NRG1: variants seen among roughly 807,000 people sequenced by gnomAD.
NRG1 encodes pro-neuregulin-1, membrane-bound isoform.
Under a neutral mutation model 63.8 loss-of-function variants are expected in NRG1, and 18 were observed. That is an observed-to-expected ratio of 0.28 (90% CI 0.19 to 0.42). NRG1 has a LOEUF of 0.42. NRG1 is among the 10% of genes least tolerant of loss of function. NRG1 has a pLI of 1.00. For missense variants in NRG1, 762 were observed against 814.7 expected, an observed-to-expected ratio of 0.94 and a Z score of 0.79; for synonymous variants, 302 against 301.3, an observed-to-expected ratio of 1.00 and a Z score of -0.02.
chr8:32,036,736 C>T (rs1343346980), intron 1 of NRG1, among the ~76,000 whole-genome samples: 4 of 152,134 alleles, frequency 2.6e-5, no homozygotes, highest in South Asian at 2.1e-4. Flanking sequence ...TATTGATACT[C>T]GTGGTTGCAT....
At chr8:32,571,946 G>A (rs2439305) in intron 1 of NRG1, among the ~76,000 whole-genome samples, 82,584 of 151,900 alleles carry the variant, frequency 0.54, 22,738 homozygotes, top group East Asian at 0.83. Flanking sequence ...AACTCAATCC[G>A]TAAACTGATT....
intron 1 of NRG1, among the ~76,000 whole-genome samples, chr8:32,167,593 A>C (rs1201343283): frequency 1.3e-4 from 20 of 152,202 alleles, no homozygotes; most frequent in Admixed American, 1.3e-3. Context: ...AACCACAGGG[A>C]TATGTGGCTG....
At chr8:32,013,499 T>C (rs1392682235) in intron 1 of NRG1, among the ~76,000 whole-genome samples, 1 of 151,882 alleles carries the variant, frequency 6.6e-6, no homozygotes, top group Non-Finnish European at 1.5e-5. Flanking sequence ...AATACAAAGG[T>C]GATAACTGCT....
chr8:31,904,298 G>A (rs1832340443), intron 1 of NRG1, among the ~76,000 whole-genome samples: 1 of 152,158 alleles, frequency 6.6e-6, no homozygotes, highest in Non-Finnish European at 1.5e-5. Context: ...GAGATTGAGA[G>A]TTAGAGAGTA....
At chr8:31,680,717 C>G (rs892594909) in intron 1 of NRG1, among the ~76,000 whole-genome samples, 2 of 151,992 alleles carry the variant, frequency 1.3e-5, no homozygotes, top group South Asian at 2.1e-4. Context: ...AATCGCCACA[C>G]TGACTTCCAC....
At chr8:32,254,459 G>A (rs748071653) in intron 1 of NRG1, among the ~76,000 whole-genome samples, 7 of 152,182 alleles carry the variant, frequency 4.6e-5, no homozygotes, top group Non-Finnish European at 8.8e-5. Flanking sequence ...TCAGGAGCAG[G>A]TTGTTCAGGT....
At chr8:31,741,856 C>T (rs1223822700) in intron 1 of NRG1, among the ~76,000 whole-genome samples, 1 of 151,894 alleles carries the variant, frequency 6.6e-6, no homozygotes, top group East Asian at 1.9e-4. Flanking sequence ...CTAGAAACTT[C>T]TGTACATGTT....
chr8:31,695,485 C>A (rs1809967019), intron 1 of NRG1, among the ~76,000 whole-genome samples: 1 of 152,226 alleles, frequency 6.6e-6, no homozygotes, highest in Non-Finnish European at 1.5e-5. Context: ...ACTTTTAAAT[C>A]TTTTAAATAA....
chr8:32,513,091 T>C (rs1329580270), intron 1 of NRG1, among the ~76,000 whole-genome samples: 1 of 152,070 alleles, frequency 6.6e-6, no homozygotes, highest in Non-Finnish European at 1.5e-5. Context: ...GAGATTAGGA[T>C]AATGTCAGGT....
intron 1 of NRG1, among the ~76,000 whole-genome samples, chr8:31,750,625 T>A (rs979980063): frequency 6.6e-6 from 1 of 152,010 alleles, no homozygotes; most frequent in African/African-American, 2.4e-5. Context: ...CTGACAGTTC[T>A]GTTTTTTTAA....
At chr8:32,312,014 G>T (rs1377616408) in intron 1 of NRG1, among the ~76,000 whole-genome samples, 1 of 152,132 alleles carries the variant, frequency 6.6e-6, no homozygotes, top group Non-Finnish European at 1.5e-5. Flanking sequence ...ACTGAGATGT[G>T]TTGAGGAACT....
intron 1 of NRG1, among the ~76,000 whole-genome samples, chr8:32,527,258 T>C (rs6651145): frequency 0.39 from 59,120 of 151,872 alleles, 12,258 homozygotes; most frequent in East Asian, 0.73. Context: ...CATCAATGGA[T>C]TGGATAAAGA....
intron 1 of NRG1, among the ~76,000 whole-genome samples, chr8:32,593,768 A>T (rs4733363): frequency 0.34 from 51,461 of 151,536 alleles, 9,992 homozygotes; most frequent in East Asian, 0.77. Context: ...AGTCTGTTTT[A>T]AAAAACCTGC....
At chr8:31,845,000 G>A (rs1468443731) in intron 1 of NRG1, among the ~76,000 whole-genome samples, 1 of 151,996 alleles carries the variant, frequency 6.6e-6, no homozygotes, top group Non-Finnish European at 1.5e-5. Flanking sequence ...CCAGCTACTT[G>A]GGAGGCTGAG....
chr8:32,684,237 C>G (rs996621538), intron 5 of NRG1, among the ~76,000 whole-genome samples: 2 of 152,120 alleles, frequency 1.3e-5, no homozygotes, highest in Non-Finnish European at 2.9e-5. Flanking sequence ...AGGTACATTA[C>G]CATTTTAAAA....
At chr8:32,175,065 C>G (rs1053511371) in intron 1 of NRG1, among the ~76,000 whole-genome samples, 1 of 152,082 alleles carries the variant, frequency 6.6e-6, no homozygotes, top group Admixed American at 6.5e-5. Flanking sequence ...TGATGAACAT[C>G]GATGCAAAAA....
chr8:32,064,670 C>T (rs1870946), intron 1 of NRG1, among the ~76,000 whole-genome samples: 148,647 of 152,258 alleles, frequency 0.98, 72,661 homozygotes, highest in East Asian at 1. Flanking sequence ...CCAGACTGGC[C>T]GAAGCTAATC....
chr8:32,476,186 T>C (rs1824497815), intron 1 of NRG1, among the ~76,000 whole-genome samples: 1 of 152,070 alleles, frequency 6.6e-6, no homozygotes. Flanking sequence ...TATCTTTCTG[T>C]GAGATTAAAG....
At chr8:31,964,974 A>G (rs1272393156) in intron 1 of NRG1, among the ~76,000 whole-genome samples, 1 of 152,194 alleles carries the variant, frequency 6.6e-6, no homozygotes, top group Non-Finnish European at 1.5e-5. Context: ...TGGGACAAAA[A>G]GTACACAAGA....
Sources: allele counts gnomAD v4.1 joint callset (sites outside exome capture counted in the v4.1 genomes callset), GRCh38; gene constraint gnomAD v4.1.1; transcripts MANE v1.5; gene names NCBI Gene and HGNC (gene_info 2026-07-23, HGNC 2026-07-21).